Variants in AKAP6 observed in about 807,000 individuals in gnomAD.
The protein encoded by AKAP6 is A-kinase anchoring protein 6.
A neutral mutation model predicts 188.5 loss-of-function variants in AKAP6; 58 were observed. The observed-to-expected ratio is 0.31, with a 90% confidence interval of 0.25 to 0.38. AKAP6 has a LOEUF of 0.38. Among genes scored for constraint, AKAP6 ranks in the 10% least tolerant of loss-of-function variants. The pLI is 1.00. For missense variants in AKAP6, 2,710 were observed against 2,740.0 expected (o/e 0.99, Z 0.24); for synonymous variants, 989 against 998.6 (o/e 0.99, Z 0.18).
At chr14:32,758,855 C>CAGG (rs2032439813) in intron 11 of AKAP6, among the ~76,000 whole-genome samples, 1 of 152,160 alleles carries the variant, frequency 6.6e-6, no homozygotes, top group Non-Finnish European at 1.5e-5. Flanking sequence ...CATATGACAA[C>CAGG]AGACCAAGGC....
At chr14:32,745,098 C>G (rs1187065662) in intron 11 of AKAP6, among the ~76,000 whole-genome samples, 1 of 152,070 alleles carries the variant, frequency 6.6e-6, no homozygotes, top group Non-Finnish European at 1.5e-5. Flanking sequence ...CTGGACTGGT[C>G]TCTTGTGCCT....
intron 2 of AKAP6, among the ~76,000 whole-genome samples, chr14:32,510,670 G>C (rs1881213406): frequency 6.6e-6 from 1 of 151,616 alleles, no homozygotes; most frequent in Non-Finnish European, 1.5e-5. Flanking sequence ...TTCCACCTAA[G>C]ATAGACCTAT....
intron 9 of AKAP6, among the ~76,000 whole-genome samples, chr14:32,699,993 C>T (rs1042774057): frequency 6.6e-6 from 1 of 152,192 alleles, no homozygotes; most frequent in Non-Finnish European, 1.5e-5. Flanking sequence ...TTAAAACCCA[C>T]TTGTGAAGGA....
intron 9 of AKAP6, among the ~76,000 whole-genome samples, chr14:32,725,010 A>AAAC (rs1555356214): frequency 1.7e-4 from 25 of 150,116 alleles, no homozygotes; most frequent in African/African-American, 5.9e-4. Context: ...AAAAAAAAAA[A>AAAC]AAAAAAACAA....
At chr14:32,517,686 A>C (rs1002128750) in intron 2 of AKAP6, among the ~76,000 whole-genome samples, 2 of 152,208 alleles carry the variant, frequency 1.3e-5, no homozygotes, top group African/African-American at 2.4e-5. Flanking sequence ...TAGGTAAACA[A>C]AGCAGCCTGG....
chr14:32,807,126 G>A (rs1156660854), intron 12 of AKAP6, among the ~76,000 whole-genome samples: 2 of 151,630 alleles, frequency 1.3e-5, no homozygotes, highest in East Asian at 1.9e-4. Flanking sequence ...CAGGAGGATC[G>A]CTTGAGGCTA....
chr14:32,561,332 G>T (rs551385569), intron 4 of AKAP6, among the ~76,000 whole-genome samples: 1 of 152,048 alleles, frequency 6.6e-6, no homozygotes, highest in East Asian at 1.9e-4. Context: ...CCTTAATTCT[G>T]CCCCTAAGTA....
At chr14:32,638,297 C>T (rs2139480425) in intron 7 of AKAP6, among the ~76,000 whole-genome samples, 1 of 152,130 alleles carries the variant, frequency 6.6e-6, no homozygotes, top group East Asian at 1.9e-4. Context: ...GTTAACTGGT[C>T]CCAAACTTCC....
intron 1 of AKAP6, among the ~76,000 whole-genome samples, chr14:32,350,226 C>G (rs1402204547): frequency 6.6e-6 from 1 of 152,130 alleles, no homozygotes; most frequent in Non-Finnish European, 1.5e-5. Context: ...ATAACCCTAA[C>G]CAAGTGATGA....
chr14:32,488,331 G>C lies in AKAP6; in HGVS notation c.325-47223G>C, dbSNP rs1879812758. Among the ~76,000 whole-genome samples the C allele has an allele frequency of 2.6e-5, 4 of 152,284 alleles. No homozygotes were observed. In the South Asian group the frequency reaches 8.3e-4, roughly 32 times the overall value. On this transcript the variant is annotated intron_variant, in intron 2 of 13. Coordinates refer to ENST00000280979, the MANE Select transcript of AKAP6 (RefSeq NM_004274.5). ...CCTGGTGGCTTTGTTTACACTGTGAGGGGAAAACTGCCTACTCAAGCCTCA... is the reference window on the plus strand; with the variant it reads ...CCTGGTGGCTTTGTTTACACTGTGACGGGAAAACTGCCTACTCAAGCCTCA...
intron 2 of AKAP6, among the ~76,000 whole-genome samples, chr14:32,444,857 A>G (rs1044504684): frequency 1.3e-5 from 2 of 152,226 alleles, no homozygotes; most frequent in Non-Finnish European, 2.9e-5. Context: ...TTACCTCTGC[A>G]AAGGGAAAAT....
At chr14:32,723,293 A>C (rs1244234078) in intron 9 of AKAP6, among the ~76,000 whole-genome samples, 1 of 151,924 alleles carries the variant, frequency 6.6e-6, no homozygotes, top group African/African-American at 2.4e-5. Context: ...ATCATTTTGG[A>C]GTGGGGGTAG....
At chr14:32,447,515 A>G (rs1417873872) in intron 2 of AKAP6, among the ~76,000 whole-genome samples, 1 of 152,240 alleles carries the variant, frequency 6.6e-6, no homozygotes, top group Non-Finnish European at 1.5e-5. Context: ...CCAAAAAAGC[A>G]GAATTTTCCT....
chr14:32,449,212 CA>C (rs970864732), intron 2 of AKAP6, among the ~76,000 whole-genome samples: 1 of 152,076 alleles, frequency 6.6e-6, no homozygotes. Flanking sequence ...CCATTTACAT[CA>C]AGAATAAATA....
At chr14:32,616,895 G>C (rs558894813) in intron 7 of AKAP6, 56 of 152,218 alleles carry the variant, frequency 3.7e-4, no homozygotes, top group African/African-American at 1.3e-3. Context: ...TTTTTCAGTT[G>C]ATTCAGTTGG....
At chr14:32,554,751 A>G (rs997541778) in intron 4 of AKAP6, among the ~76,000 whole-genome samples, 4 of 152,200 alleles carry the variant, frequency 2.6e-5, no homozygotes, top group Non-Finnish European at 4.4e-5. Context: ...TAACAGCTGT[A>G]TAATTCCTAT....
intron 1 of AKAP6, among the ~76,000 whole-genome samples, chr14:32,369,866 A>G (rs939397177): frequency 3.9e-5 from 6 of 152,160 alleles, no homozygotes; most frequent in African/African-American, 1.4e-4. Context: ...CCACATCTCT[A>G]CTAAAAATAC....
intron 9 of AKAP6, among the ~76,000 whole-genome samples, chr14:32,724,840 G>A (rs1028334231): frequency 1.3e-5 from 2 of 151,482 alleles, no homozygotes; most frequent in Admixed American, 6.6e-5. Context: ...ATTGACACTG[G>A]AGGAAAAAAT....
intron 1 of AKAP6, among the ~76,000 whole-genome samples, chr14:32,394,911 G>T (rs1202449884): frequency 6.6e-6 from 1 of 152,178 alleles, no homozygotes; most frequent in African/African-American, 2.4e-5. Flanking sequence ...AAAACAAATT[G>T]TGCGTGTAAA....
Sources: allele counts gnomAD v4.1 joint callset (sites outside exome capture counted in the v4.1 genomes callset), GRCh38; gene constraint gnomAD v4.1.1; transcripts MANE v1.5; gene names NCBI Gene and HGNC (gene_info 2026-07-23, HGNC 2026-07-21).